The following VRK1 variants were observed in gnomAD, a reference collection of about 807,000 sequenced individuals.
VRK1 encodes the protein VRK serine/threonine kinase 1.
A neutral mutation model predicts 57.1 loss-of-function variants in VRK1; 33 were observed. The observed-to-expected ratio is 0.58, with a 90% CI of 0.44 to 0.77. The LOEUF is 0.77. VRK1 is among the 30% of genes least tolerant of loss of function. VRK1 has a pLI of 0.00. For missense variants in VRK1, 413 were observed against 477.3 expected, an observed-to-expected ratio of 0.87 and a Z score of 1.25; for synonymous variants, 137 against 147.8, an observed-to-expected ratio of 0.93 and a Z score of 0.53.
At chr14:96,861,823 G>C (rs1286295729) in intron 11 of VRK1, among the ~76,000 whole-genome samples, 2 of 151,030 alleles carry the variant, frequency 1.3e-5, no homozygotes, top group African/African-American at 4.9e-5. Flanking sequence ...CAAGTGTGCT[G>C]AAAACTGTAT....
chr14:96,813,506 T>C (rs971125477), intron 1 of VRK1, among the ~76,000 whole-genome samples: 1 of 152,174 alleles, frequency 6.6e-6, no homozygotes, highest in African/African-American at 2.4e-5. Context: ...CAAGTTTTTT[T>C]CAGCTGAATT....
In VRK1 at chr14:96,847,950, T is replaced by C. The variant is rs1302830998; in HGVS notation, c.374+606T>C. ...GGATAGTTTATTTGGAGAAAACTTCTAATACTTTGGTTCATAAGCAGCACT... is the reference window on the plus strand; with the variant it reads ...GGATAGTTTATTTGGAGAAAACTTCCAATACTTTGGTTCATAAGCAGCACT... On this transcript the variant is annotated intron_variant, in intron 5 of 12. Transcript: ENST00000216639. 5.9e-5 allele frequency among the ~76,000 whole-genome samples: 9 copies of C among 152,226 alleles called. 1 individual carries two copies. The highest frequency in any genetic ancestry group is 2.6e-4 in the Admixed American group (4 of 15,288).
chr14:96,830,444 G>A (rs544900440), intron 1 of VRK1, among the ~76,000 whole-genome samples: 70 of 150,222 alleles, frequency 4.7e-4, no homozygotes, highest in African/African-American at 1.7e-3. Context: ...TTACTCTTAT[G>A]TTCCTTCTCA....
chr14:96,829,286 C>T (rs1478770507), intron 1 of VRK1, among the ~76,000 whole-genome samples: 2 of 148,954 alleles, frequency 1.3e-5, no homozygotes, highest in African/African-American at 5.0e-5. Context: ...CAGTTTTGAT[C>T]CCTTGGTGAA....
intron 1 of VRK1, among the ~76,000 whole-genome samples, chr14:96,811,784 T>TA (rs975076804): frequency 2.6e-5 from 4 of 151,760 alleles, no homozygotes; most frequent in African/African-American, 7.3e-5. Context: ...TTTTTTTTTT[T>TA]AAAGCAAACA....
intron 11 of VRK1, among the ~76,000 whole-genome samples, chr14:96,872,891 A>G (rs911650528): frequency 3.3e-5 from 5 of 152,192 alleles, no homozygotes; most frequent in African/African-American, 1.2e-4. Flanking sequence ...ATAAAATAAG[A>G]TTAACTGATT....
At chr14:96,878,120 C>T (rs55657801) in intron 12 of VRK1, among the ~76,000 whole-genome samples, 9,803 of 151,884 alleles carry the variant, frequency 0.065, 367 homozygotes, top group South Asian at 0.13. Context: ...ACTTTTTTCC[C>T]CTAAAGTACA....
intron 12 of VRK1, chr14:96,877,591 T>G: frequency 6.2e-6 from 8 of 1,289,244 alleles, no homozygotes; most frequent in Non-Finnish European, 8.1e-6. Context: ...GGAACAAAAT[T>G]AAGGAGTATT....
chr14:96,816,334 C>T (rs1393844461), intron 1 of VRK1, among the ~76,000 whole-genome samples: 2 of 152,104 alleles, frequency 1.3e-5, no homozygotes, highest in Non-Finnish European at 2.9e-5. Flanking sequence ...AATACTTAGC[C>T]AAAATGAATG....
chr14:96,832,425 T>G (rs1002150700), intron 1 of VRK1, among the ~76,000 whole-genome samples: 1 of 152,156 alleles, frequency 6.6e-6, no homozygotes, highest in Non-Finnish European at 1.5e-5. Context: ...TGATTAACAT[T>G]TATAGAACCG....
chr14:96,837,863 G>A (rs758224536), intron 3 of VRK1, 46 bp downstream of exon 3: 4 of 1,401,270 alleles, frequency 2.9e-6, no homozygotes, highest in Non-Finnish European at 3.8e-6. Flanking sequence ...TTGATTTGGT[G>A]TAGTATTTTG....
intron 1 of VRK1, among the ~76,000 whole-genome samples, chr14:96,808,024 T>TCTCC (rs762861599): frequency 1.1e-4 from 5 of 47,320 alleles, no homozygotes; most frequent in African/African-American, 1.6e-4. Context: ...CCTCTGTGTG[T>TCTCC]GTGTGTGTGT....
intron 11 of VRK1, among the ~76,000 whole-genome samples, chr14:96,874,611 C>T (rs1295011336): frequency 1.3e-5 from 2 of 152,196 alleles, no homozygotes; most frequent in African/African-American, 4.8e-5. Flanking sequence ...GAAAGTTTCT[C>T]AAGGTTCAGT....
intron 3 of VRK1, among the ~76,000 whole-genome samples, chr14:96,840,892 G>C (rs938974243): frequency 1.5e-4 from 22 of 148,090 alleles, no homozygotes; most frequent in African/African-American, 5.2e-4. Flanking sequence ...GTCTCATCCT[G>C]TTGCCTGGGC....
chr14:96,878,519 T>C (rs1158953803), intron 12 of VRK1, among the ~76,000 whole-genome samples: 2 of 152,216 alleles, frequency 1.3e-5, no homozygotes, highest in African/African-American at 4.8e-5. Flanking sequence ...CAGAATGCTG[T>C]GCCTAGCAAA....
chr14:96,852,738 A>G (rs1370771249), intron 5 of VRK1, 93 bp from the exon 6 acceptor site: 5 of 868,468 alleles, frequency 5.8e-6, no homozygotes, highest in Middle Eastern at 2.8e-4. Context: ...TTTACTAAAC[A>G]TTGTCTTGAA....
In VRK1 at chr14:96,881,392, T is replaced by C. The variant is rs1889253873; in HGVS notation, c.*184T>C. On this transcript the variant is annotated 3_prime_UTR_variant, in exon 13 of 13. Transcript: ENST00000216639. ...TTTTGTACAATTCATTAAAGGCTAA[T>C]TTATGAAATTTGAAAATCTTCAGGT... The C allele has an allele frequency of 1.7e-6, 1 of 576,658 alleles. No individual in the cohort carries two copies. Among genetic ancestry groups the C allele is most frequent in the African/African-American group, 1.9e-5 (1 of 53,238 alleles). 35.7% of individuals were successfully genotyped at this position (576,658 alleles called of 1,614,324 possible). A position where few individuals can be genotyped will look rare whatever the true frequency, so the allele number is the denominator to read the frequency against.
At chr14:96,858,309 G>C (rs1049145439) in intron 10 of VRK1, among the ~76,000 whole-genome samples, 1 of 152,116 alleles carries the variant, frequency 6.6e-6, no homozygotes, top group Non-Finnish European at 1.5e-5. Context: ...GCCCAGGCTA[G>C]TCTTGAACTC....
At chr14:96,865,713 G>C (rs1888559603) in intron 11 of VRK1, among the ~76,000 whole-genome samples, 1 of 151,030 alleles carries the variant, frequency 6.6e-6, no homozygotes, top group African/African-American at 2.4e-5. Context: ...TCTGTAGAGG[G>C]AATACACAAC....
Sources: gnomAD v4.1 joint callset for allele counts (sites outside exome capture counted in the v4.1 genomes callset) on GRCh38, gnomAD v4.1.1 for gene constraint, MANE v1.5 for transcripts, NCBI Gene and HGNC (gene_info 2026-07-23, HGNC 2026-07-21) for gene names.